Variants in PIEZO1 observed in about 807,000 individuals in gnomAD.
PIEZO1 encodes the protein piezo type mechanosensitive ion channel component 1 (Er blood group).
In PIEZO1, 296 loss-of-function variants were observed where a neutral mutation model predicts 297.2. The observed-to-expected ratio is 1.00, with a 90% CI of 0.91 to 1.10. PIEZO1 has a LOEUF of 1.10. PIEZO1 is among the 50% of genes least tolerant of loss of function. The pLI is 0.00. For synonymous variants in PIEZO1, 2,427 were observed against 1,507.5 expected, an observed-to-expected ratio of 1.61 and a Z score of -14.13; for missense variants, 5,018 against 3,455.5, an observed-to-expected ratio of 1.45 and a Z score of -11.34.
At chr16:88,768,340 G>A (rs1907268483) in intron 1 of PIEZO1, among the ~76,000 whole-genome samples, 1 of 152,232 alleles carries the variant, frequency 6.6e-6, no homozygotes, top group African/African-American at 2.4e-5. Context: ...CGGGCCAGGA[G>A]GAGAAGCTGA....
rs947293729 is a variant in PIEZO1 at position 88,738,590 on chromosome 16, G to C, written c.612C>G (p.Ala204=). The change falls in exon 6 of 51, where the codon GCC becomes GCG. Residue 204 remains alanine, a synonymous_variant. Coordinates refer to ENST00000301015, the MANE Select transcript of PIEZO1 (RefSeq NM_001142864.4). ...TACCTGCCAGTGCAAGCAGTGTTAC[G>C]GCCAGGACCCGCCCAGCCGCCACCA... ...WLLVAAGRVL[A]VTLLALAGIA... is the part of the protein sequence containing the mutation. The C allele has an allele frequency of 2.0e-6, 3 of 1,535,380 alleles. No individual in the cohort carries two copies. The highest frequency in any genetic ancestry group is 2.6e-6 in the Non-Finnish European group (3 of 1,146,674).
chr16:88,717,206 G>A lies in PIEZO1; in HGVS notation c.6477C>T (p.Tyr2159=), dbSNP rs1478572161. The change falls in exon 45 of 51, where the codon TAC becomes TAT. Residue 2159 remains tyrosine, a synonymous_variant. Transcript: ENST00000301015. ...TCTTCTTCTGCCCTTTGGGCTGCGG[G>A]TATTTCTGGAGGGGAACGACACAGG... The part of the protein sequence containing the change: ...IKCSRETEKK[Y]PQPKGQKKKK... The A allele has an allele frequency of 2.6e-6, 4 of 1,548,596 alleles. No homozygotes were observed. In the African/African-American group the frequency reaches 4.1e-5, roughly 16 times the overall value.
intron 1 of PIEZO1, among the ~76,000 whole-genome samples, chr16:88,773,892 G>A (rs1231562971): frequency 6.6e-6 from 1 of 152,092 alleles, no homozygotes; most frequent in Non-Finnish European, 1.5e-5. Context: ...TTCTGGCCCT[G>A]CCAAAAGTCC....
At chr16:88,724,341 G>A (rs1008594304) in intron 30 of PIEZO1, among the ~76,000 whole-genome samples, 1 of 152,136 alleles carries the variant, frequency 6.6e-6, no homozygotes, top group Non-Finnish European at 1.5e-5. Context: ...GACCAGCCTG[G>A]CCAATATGGT....
At chr16:88,743,267 C>G (rs779643218) in intron 2 of PIEZO1, 1 of 456,506 alleles carries the variant, frequency 2.2e-6, no homozygotes, top group South Asian at 1.5e-5. Context: ...CACATGTGGA[C>G]AGCTCACCCT....
rs1193058461 is a variant in PIEZO1 at position 88,725,075 on chromosome 16, C to T, written c.4168G>A (p.Asp1390Asn). The change falls in exon 30 of 51, where the codon GAC becomes AAC. Residue 1390 changes from aspartate (D) to asparagine (N), a missense_variant. Physicochemically the swap from Asp to Asn is conservative, Grantham distance 23. Coordinates refer to ENST00000301015, the MANE Select transcript of PIEZO1 (RefSeq NM_001142864.4). Reference protein sequence around the residue: ...PKDPGLEPGPDSPGGSSPPRR... With the variant: ...PKDPGLEPGPNSPGGSSPPRR... ...GGCGGGGAGGAGCCCCCTGGACTGT[C>T]GGGCCCTGTGGAGGGGCAGGGTGAG... 2.0e-5 allele frequency: 30 copies of T among 1,511,642 alleles called. No homozygotes were observed. The highest frequency in any genetic ancestry group is 1.7e-4 in the Middle Eastern group (1 of 5,748). The allele number at this position is 1,511,642 out of a possible 1,614,324, so 93.6% of individuals were successfully genotyped here. A position where few individuals can be genotyped will look rare whatever the true frequency, so the allele number is the denominator to read the frequency against.
Position 88,716,060 on chromosome 16 carries a change from C to T in PIEZO1, c.7189G>A (p.Ala2397Thr), listed in dbSNP as rs765524996. The T allele has an allele frequency of 9.0e-6, 14 of 1,550,034 alleles. No homozygotes were observed. In the South Asian group the frequency reaches 1.3e-4, roughly 14 times the overall value. Reference protein sequence around the residue: ...IQLRREQGAGATGFLEWWVIE... With the variant: ...IQLRREQGAGTTGFLEWWVIE... ...ACCCACCATTCGAGGAAGCCGGTGG[C>T]CCCCGCACCCTGCTCCCTCCGCAGC... The change falls in exon 50 of 51, where the codon GCC becomes ACC. Residue 2397 changes from alanine (A) to threonine (T), a missense_variant. Ala to Thr is a moderately conservative substitution (Grantham distance 58, BLOSUM62 0). Transcript: ENST00000301015.
intron 1 of PIEZO1, among the ~76,000 whole-genome samples, chr16:88,773,766 T>C (rs1907531976): frequency 6.6e-6 from 1 of 151,728 alleles, no homozygotes; most frequent in South Asian, 2.1e-4. Flanking sequence ...AGCTGCCTAC[T>C]GGGGGTGAGG....
In PIEZO1 at chr16:88,736,062, C is replaced by T. The variant is rs578205515; in HGVS notation, c.1557+86G>A. On this transcript the variant is annotated intron_variant, in intron 12 of 50. Transcript: ENST00000301015. Reference sequence around the variant, plus strand: ...ATCTGCCTTCTTGGCGCTGCCACTCCCCCGGGCAAGTGGACATTGAACAGG... The same window carrying T: ...ATCTGCCTTCTTGGCGCTGCCACTCTCCCGGGCAAGTGGACATTGAACAGG... 52 of 1,342,194 alleles carry T rather than the reference C, an allele frequency of 3.9e-5. No individual in the cohort carries two copies. In the African/African-American group the frequency reaches 7.2e-4, roughly 19 times the overall value. 83.1% of individuals were successfully genotyped at this position (1,342,194 alleles called of 1,614,324 possible).
Position 88,719,842 on chromosome 16 carries a change from T to G in PIEZO1, c.6283A>C (p.Thr2095Pro). ...YPTRILGNFL[T>P]KKYNHLNLFL... ...AGGTTGAGATGATTGTACTTCTTGG[T>G]GAGGAAGTTGCCGAGGATGCGGGTG... Residue 2095 changes from threonine to proline, a missense_variant, in exon 43 of 51, where the codon ACC (threonine) becomes CCC (proline). Transcript: ENST00000301015. 1.3e-6 allele frequency: 2 copies of G among 1,550,476 alleles called. No homozygotes were observed. The highest frequency in any genetic ancestry group is 2.4e-5 in the South Asian group (2 of 84,056).
rs999392443 is a variant in PIEZO1, at chr16:88,734,654, C to G, written c.1993G>C (p.Glu665Gln). 4 of 1,550,116 alleles carry G rather than the reference C, an allele frequency of 2.6e-6. No homozygotes were observed. The African/African-American group carries it at 4.1e-5, about 16-fold the overall frequency. Residue 665 changes from glutamate (E) to glutamine (Q), a missense_variant, in exon 15 of 51, where the codon GAG (glutamate) becomes CAG (glutamine). By Grantham distance (29) the Glu-to-Gln change is conservative. Transcript: ENST00000301015. The part of the protein sequence containing the change: ...YWRNLTGFTD[E>Q]QLGDLGLEQF... ...ACCGCCCCAGCCTGGACTCACTGCT[C>G]GTCGGTGAAGCCAGTGAGGTTGCGC...
intron 42 of PIEZO1, 51 bp from the exon 43 acceptor site, chr16:88,720,011 G>GC: frequency 6.5e-7 from 1 of 1,548,894 alleles, no homozygotes; most frequent in Non-Finnish European, 8.7e-7. Flanking sequence ...GCCCCGCAGG[G>GC]CCCCCAGCCT....
rs968879526 is a variant in PIEZO1, at chr16:88,733,596, G to A, written c.2479C>T (p.Leu827=). The stretch of plus-strand genomic sequence containing the variant: ...TTGCCTGCCACACTCACCTCCTTCA[G>A]GGCCACCCAGACGGTGTACAGGGCC... ...LVALYTVWVA[L]KEVSVMNLLL... Residue 827 remains leucine (L), a synonymous_variant, in exon 18 of 51, where the codon CTG becomes TTG. Coordinates refer to ENST00000301015, the MANE Select transcript of PIEZO1 (RefSeq NM_001142864.4). 7.8e-6 allele frequency: 12 copies of A among 1,544,364 alleles called. No individual in the cohort carries two copies. The Admixed American group carries it at 1.8e-4, about 23-fold the overall frequency.
intron 1 of PIEZO1, among the ~76,000 whole-genome samples, chr16:88,754,305 A>C (rs1301572860): frequency 6.6e-6 from 1 of 152,064 alleles, no homozygotes; most frequent in Admixed American, 6.6e-5. Flanking sequence ...TGGCCAGGAA[A>C]GCCACAAATG....
chr16:88,724,042 A>G (rs1277511170), intron 30 of PIEZO1, 71 bp from the exon 31 acceptor site: 6 of 948,428 alleles, frequency 6.3e-6, no homozygotes, highest in Admixed American at 4.1e-5. Flanking sequence ...CTCCGCCTGC[A>G]TGGGCCAAGG....
rs1904289048 is a variant in PIEZO1 at position 88,722,695 on chromosome 16, G to A, written c.4669-6C>T. ...CCCCTGTGCACTTCGCCGCCCTGCA[G>A]GGCACAGCAGGGGGCTCAGGGCTGC... On this transcript the variant is annotated splice_region_variant and splice_polypyrimidine_tract_variant and intron_variant, in intron 34 of 50. Transcript: ENST00000301015. 1.3e-6 allele frequency: 2 copies of A among 1,536,032 alleles called. No homozygotes were observed. The highest frequency in any genetic ancestry group is 1.7e-6 in the Non-Finnish European group (2 of 1,145,532).
chr16:88,720,126 G>C lies in PIEZO1; in HGVS notation c.6107C>G (p.Ala2036Gly), dbSNP rs764365348. 31 of 1,550,302 alleles carry C rather than the reference G, an allele frequency of 2.0e-5. No individual in the cohort carries two copies. Among genetic ancestry groups the C allele is most frequent in the Non-Finnish European group, 2.6e-5 (30 of 1,146,990 alleles). ...TVLGKLAFQVALVLAIHLWMF... is the reference protein window; with the variant it reads ...TVLGKLAFQVGLVLAIHLWMF... ...CCATAGGTGGATGGCCAGCACCAGC[G>C]CCACCTGGAAGGCCAGCTTGCCCAG... The change falls in exon 42 of 51, where the codon GCG becomes GGG. Residue 2036 changes from alanine (A) to glycine (G), a missense_variant. Coordinates refer to ENST00000301015, the MANE Select transcript of PIEZO1 (RefSeq NM_001142864.4).
Position 88,722,669 on chromosome 16 carries a change from G to T in PIEZO1, c.4689C>A (p.Gly1563=). Residue 1563 remains glycine (G), a synonymous_variant, in exon 35 of 51, where the codon GGC becomes GGA. Coordinates refer to ENST00000301015, the MANE Select transcript of PIEZO1 (RefSeq NM_001142864.4). ...ELLQGGEVHR[G]VLDQLYTSQA... ...GGCTTGTGTACAGCTGATCCAGCACGCCCCTGTGCACTTCGCCGCCCTGCA... is the reference window on the plus strand; with the variant it reads ...GGCTTGTGTACAGCTGATCCAGCACTCCCCTGTGCACTTCGCCGCCCTGCA... 6.5e-7 allele frequency: 1 copy of T among 1,537,882 alleles called. No homozygotes were observed. The highest frequency in any genetic ancestry group is 8.7e-7 in the Non-Finnish European group (1 of 1,146,378).
In PIEZO1 at chr16:88,724,783, G is replaced by A. The variant is rs774941796; in HGVS notation, c.4234+226C>T. On this transcript the variant is annotated intron_variant, in intron 30 of 50. Coordinates refer to ENST00000301015, the MANE Select transcript of PIEZO1 (RefSeq NM_001142864.4). ...ACCATGTGTCATCGGGGCAAGCTCC[G>A]AGACTCCCACTGTTGGAAGGGCTGG... Among the ~76,000 whole-genome samples, 12 of 152,298 alleles carry A rather than the reference G, an allele frequency of 7.9e-5. 1 individual carries two copies. The highest frequency in any genetic ancestry group is 6.8e-3 in the Middle Eastern group (2 of 294).
Sources: allele counts gnomAD v4.1 joint callset (sites outside exome capture counted in the v4.1 genomes callset), GRCh38; gene constraint gnomAD v4.1.1; transcripts MANE v1.5; gene names NCBI Gene and HGNC (gene_info 2026-07-23, HGNC 2026-07-21).